The following USP1 variants were observed in gnomAD, a reference collection of about 807,000 sequenced individuals.
USP1 encodes ubiquitin carboxyl-terminal hydrolase 1.
USP1 carries 18 observed loss-of-function variants against 72.2 expected under a neutral mutation model. The ratio of observed to expected loss-of-function variants is 0.25; its 90% CI spans 0.17 to 0.37. The LOEUF (loss-of-function observed/expected upper bound fraction) is 0.37. USP1 is among the 10% of genes least tolerant of loss of function. The probability of loss-of-function intolerance (pLI) is 1.00; values close to 1 mark genes in which losing one functional copy is unlikely to be tolerated. For synonymous variants in USP1, 354 were observed against 303.7 expected, an observed-to-expected ratio of 1.17 and a Z score of -1.72; for missense variants, 759 against 884.9, an observed-to-expected ratio of 0.86 and a Z score of 1.81.
At chr1:62,437,821 A>C (rs192332233) in intron 1 of USP1, among the ~76,000 whole-genome samples, 20 of 152,288 alleles carry the variant, frequency 1.3e-4, no homozygotes, top group African/African-American at 4.6e-4. Context: ...TTTCACTTAC[A>C]CTTTTTCAAG....
chr1:62,439,733 A>C, intron 1 of USP1, 66 bp from the exon 2 acceptor site: 2 of 760,998 alleles, frequency 2.6e-6, no homozygotes, highest in South Asian at 5.3e-5. Context: ...TTTGTTTTCA[A>C]AATTGATGAT....
chr1:62,444,715 G>A (rs771371339), intron 5 of USP1, 23 bp from the exon 6 acceptor site: 9 of 1,499,644 alleles, frequency 6.0e-6, no homozygotes, highest in Non-Finnish European at 6.2e-6. Flanking sequence ...TAGAATAGAT[G>A]AAATGGAAAT....
Position 62,448,681 on chromosome 1 carries a change from T to TAAGC in USP1, c.1622+18_1622+19insCAAG. On this transcript the variant is annotated intron_variant, in intron 8 of 8. Coordinates refer to ENST00000339950, the MANE Select transcript of USP1 (RefSeq NM_003368.5). Reference sequence around the variant, plus strand: ...AGTGGTTTGGAGTAAGTATTGTAAATAAGAACTATATGAAGAAAATGAGCT... The same window carrying TAAGC: ...AGTGGTTTGGAGTAAGTATTGTAAATAAGCAAGAACTATATGAAGAAAATGAGCT... 1 of 1,609,350 alleles carries TAAGC rather than the reference T, an allele frequency of 6.2e-7. No individual in the cohort carries two copies. The highest frequency in any genetic ancestry group is 1.1e-5 in the South Asian group (1 of 90,800).
chr1:62,441,438 CT>C, intron 2 of USP1, 49 bp from the exon 3 acceptor site: 1 of 1,491,224 alleles, frequency 6.7e-7, no homozygotes, highest in Middle Eastern at 1.8e-4. Flanking sequence ...ATATTTTCAC[CT>C]TGTTTCTTTA....
At chr1:62,447,057 C>A (rs1645180565) in intron 6 of USP1, among the ~76,000 whole-genome samples, 1 of 152,272 alleles carries the variant, frequency 6.6e-6, no homozygotes, top group Admixed American at 6.5e-5. Flanking sequence ...AGGTGATCTG[C>A]CCGCCTCAGC....
intron 7 of USP1, 87 bp downstream of exon 7, chr1:62,447,598 T>C: frequency 7.0e-7 from 1 of 1,435,546 alleles, no homozygotes; most frequent in Non-Finnish European, 9.4e-7. Flanking sequence ...CTGGTGTAAT[T>C]AGGGAGGGGA....
At chr1:62,446,656 T>C (rs1241376973) in intron 6 of USP1, among the ~76,000 whole-genome samples, 2 of 152,226 alleles carry the variant, frequency 1.3e-5, no homozygotes, top group African/African-American at 4.8e-5. Context: ...ACTAGATTTT[T>C]ACCTAGTTTT....
intron 5 of USP1, 52 bp from the exon 6 acceptor site, chr1:62,444,686 T>C (rs1381021979): frequency 1.7e-5 from 23 of 1,365,978 alleles, no homozygotes; most frequent in Non-Finnish European, 2.3e-5. Flanking sequence ...ATAGGCTTTA[T>C]GTACTGTATC....
At chr1:62,446,939 C>T (rs979381117) in intron 6 of USP1, among the ~76,000 whole-genome samples, 7 of 152,006 alleles carry the variant, frequency 4.6e-5, no homozygotes, top group African/African-American at 9.7e-5. Flanking sequence ...CTCAGCCTCC[C>T]GAGTAGCTGT....
At position 62,448,810 on chromosome 1, in the gene USP1, T is replaced by C. The variant is rs1411948722; in HGVS notation, c.1622+144T>C. ...TGCTTCAGTAAAGTTTTGTTCTTAT[T>C]AACAGTTTCCCTGTAAAAATGAAAC... On this transcript the variant is annotated intron_variant, in intron 8 of 8. Transcript: ENST00000339950. 13 of 807,582 alleles carry C rather than the reference T, an allele frequency of 1.6e-5. No homozygotes were observed. In the Admixed American group the frequency reaches 3.7e-4, roughly 23 times the overall value. 50.0% of individuals were successfully genotyped at this position (807,582 alleles called of 1,614,324 possible).
At chr1:62,445,824 CA>C (rs1645168636) in intron 6 of USP1, among the ~76,000 whole-genome samples, 1 of 151,974 alleles carries the variant, frequency 6.6e-6, no homozygotes, top group South Asian at 2.1e-4. Flanking sequence ...ACTAAAAATG[CA>C]AAAATTAGCC....
Position 62,450,720 on chromosome 1 carries a change from A to G in USP1, c.2097A>G (p.Arg699=), listed in dbSNP as rs779085613. Residue 699 remains arginine (R), a synonymous_variant, in exon 9 of 9, where the codon AGA becomes AGG. Transcript: ENST00000339950. ...CTAGTACAGCGTTTGCTGAAAATAG[A>G]AATTCTGAGACTAGTGATACTACTG... The part of the protein sequence containing the change: ...KVASTAFAEN[R]NSETSDTTGT... 8 of 1,613,922 alleles carry G rather than the reference A, an allele frequency of 5.0e-6. No homozygotes were observed. Among genetic ancestry groups the G allele is most frequent in the Non-Finnish European group, 6.8e-6 (8 of 1,179,996 alleles).
rs1402458235 is a variant in USP1, at chr1:62,442,213, G to A, written c.310G>A (p.Gly104Ser). The A allele has an allele frequency of 5.0e-6, 8 of 1,596,234 alleles. No individual in the cohort carries two copies. Among genetic ancestry groups the A allele is most frequent in the Non-Finnish European group, 6.9e-6 (8 of 1,167,664 alleles). ...SILQVLYFCP[G>S]FKSGVKHLFN... ...TTTATAGGTATTATATTTTTGTCCC[G>A]GTTTTAAATCTGGAGTAAAGCACTT... Residue 104 changes from glycine to serine, a missense_variant, in exon 4 of 9, where the codon GGT becomes AGT. Physicochemically the swap from Gly to Ser is moderately conservative, Grantham distance 56 (BLOSUM62 0). This residue lies in a region of USP1 where 13 missense variants were observed against 35.5 expected (regional missense o/e 0.37). Transcript: ENST00000339950.
rs999653248 is a variant in USP1 at position 62,437,094 on chromosome 1, A to T, written c.-376A>T. The T allele has an allele frequency of 2.5e-6, 1 of 398,778 alleles. No individual in the cohort carries two copies. The highest frequency in any genetic ancestry group is 2.1e-5 in the African/African-American group (1 of 48,622). The allele number at this position is 398,778 out of a possible 1,614,324, so 24.7% of individuals were successfully genotyped here. A position where few individuals can be genotyped will look rare whatever the true frequency, so the allele number is the denominator to read the frequency against. ...TCGGTGGCGGAGTGCTAAAGACCCT[A>T]GCGGTTCAGGCGTTCGGCGAGCGGG... On this transcript the variant is annotated 5_prime_UTR_variant, in exon 1 of 9. Transcript: ENST00000339950.
In USP1 at chr1:62,450,754, G is replaced by A; in HGVS notation, c.2131G>A (p.Glu711Lys). The A allele has an allele frequency of 2.5e-6, 4 of 1,613,746 alleles. No individual in the cohort carries two copies. The highest frequency in any genetic ancestry group is 3.4e-6 in the Non-Finnish European group (4 of 1,179,908). ...GACTAGTGATACTACTGGGACCCAT[G>A]AATCTGATAGAAACAAGGAATCCAG... The part of the protein sequence containing the change: ...SETSDTTGTH[E>K]SDRNKESSDQ... The change falls in exon 9 of 9, where the codon GAA becomes AAA. Residue 711 changes from glutamate to lysine, a missense_variant. Around this residue, in one of 9 missense-constraint regions of USP1, gnomAD observed 159 missense variants for 140.9 expected, o/e 1.13. Transcript: ENST00000339950.
rs570637480 is a variant in USP1, at chr1:62,437,222, G to T, written c.-248G>T. 3 of 398,486 alleles carry T rather than the reference G, an allele frequency of 7.5e-6. No individual in the cohort carries two copies. In the South Asian group the frequency reaches 3.8e-4, roughly 51 times the overall value. The allele number at this position is 398,486 out of a possible 1,614,324, so 24.7% of individuals were successfully genotyped here. A position where few individuals can be genotyped will look rare whatever the true frequency, so the allele number is the denominator to read the frequency against. On this transcript the variant is annotated 5_prime_UTR_variant, in exon 1 of 9. Coordinates refer to ENST00000339950, the MANE Select transcript of USP1 (RefSeq NM_003368.5). ...TGCAAGACGGGAGCGAGCGGCGGTC[G>T]GGGTTCCCGCTCTTGGGAGCGGATG...
chr1:62,446,116 C>G (rs181237040), intron 6 of USP1, among the ~76,000 whole-genome samples: 27 of 152,224 alleles, frequency 1.8e-4, no homozygotes, highest in Non-Finnish European at 3.2e-4. Context: ...AAAGTAAAGA[C>G]TAAGTACAGT....
rs1188735872 is a variant in USP1, at chr1:62,437,367, C to T, written c.-103C>T. ...TCATTCGGGTTGGACTTGCCGGCGT[C>T]ACCGCCGCGGACTTCGCTTTGGGCC... On this transcript the variant is annotated 5_prime_UTR_variant, in exon 1 of 9. Transcript: ENST00000339950. 2 of 393,008 alleles carry T rather than the reference C, an allele frequency of 5.1e-6. No individual in the cohort carries two copies. The highest frequency in any genetic ancestry group is 4.1e-5 in the African/African-American group (2 of 48,478). The allele number at this position is 393,008 out of a possible 1,614,324, so 24.3% of individuals were successfully genotyped here.
At chr1:62,447,873 G>A (rs977865729) in intron 7 of USP1, among the ~76,000 whole-genome samples, 2 of 151,912 alleles carry the variant, frequency 1.3e-5, no homozygotes, top group Admixed American at 1.3e-4. Context: ...TGCAAGCTCC[G>A]CCTTCTGGGT....
Sources: gnomAD v4.1 joint callset for allele counts (sites outside exome capture counted in the v4.1 genomes callset) on GRCh38, gnomAD v4.1.1 for gene constraint, gnomAD v4.1.1 regional missense constraint, MANE v1.5 for transcripts, NCBI Gene and HGNC (gene_info 2026-07-23, HGNC 2026-07-21) for gene names.